Variants in NCKAP5 observed in about 807,000 individuals in gnomAD.
The protein encoded by NCKAP5 is NCK associated protein 5.
In NCKAP5, 92 loss-of-function variants were observed where a neutral mutation model predicts 167.0. That is an observed-to-expected ratio of 0.55 (90% CI 0.47 to 0.66). The LOEUF (loss-of-function observed/expected upper bound fraction) is 0.66, where lower values mean the gene tolerates loss of function less well. Among genes scored for constraint, NCKAP5 ranks in the 30% least tolerant of loss-of-function variants. NCKAP5 has a pLI of 0.00. For missense variants in NCKAP5, 2,378 were observed against 2,315.0 expected (o/e 1.03, Z -0.56); for synonymous variants, 891 against 877.4 (o/e 1.02, Z -0.27).
intron 4 of NCKAP5, among the ~76,000 whole-genome samples, chr2:133,294,333 G>A (rs1312399850): frequency 6.6e-6 from 1 of 152,126 alleles, no homozygotes; most frequent in Admixed American, 6.5e-5. Flanking sequence ...TGAGGATAGA[G>A]GCATGCTAAT....
chr2:132,712,731 A>G (rs1688987720), intron 19 of NCKAP5, among the ~76,000 whole-genome samples: 1 of 152,316 alleles, frequency 6.6e-6, no homozygotes, highest in Middle Eastern at 3.4e-3. Context: ...CCAGCATTTC[A>G]GTAGGGATTC....
chr2:133,596,370 C>G, the NCKAP5 span: 1 of 152,336 alleles, frequency 6.6e-6, no homozygotes, highest in South Asian at 2.1e-4. Context: ...CCTTTGCTTG[C>G]CAGCCTCTGT....
chr2:133,356,078 C>T (rs1488306287), intron 3 of NCKAP5, among the ~76,000 whole-genome samples: 1 of 152,070 alleles, frequency 6.6e-6, no homozygotes, highest in Non-Finnish European at 1.5e-5. Context: ...AGGCATGCAC[C>T]ACCATGCCTG....
intron 16 of NCKAP5, among the ~76,000 whole-genome samples, chr2:132,749,875 A>G (rs1419685048): frequency 2.6e-5 from 4 of 152,208 alleles, no homozygotes; most frequent in African/African-American, 9.6e-5. Context: ...CCTGGAGGCT[A>G]GTATAAAGGA....
At chr2:132,773,065 G>A (rs753947448) in intron 16 of NCKAP5, among the ~76,000 whole-genome samples, 7 of 152,196 alleles carry the variant, frequency 4.6e-5, no homozygotes, top group Non-Finnish European at 8.8e-5. Context: ...ATGCCTCAGT[G>A]TCTTGTGTCG....
At chr2:133,212,971 T>G in intron 5 of NCKAP5, among the ~76,000 whole-genome samples, 1 of 152,322 alleles carries the variant, frequency 6.6e-6, no homozygotes, top group Non-Finnish European at 1.5e-5. Context: ...TATCTAATTC[T>G]TTTACTGAAA....
intron 4 of NCKAP5, among the ~76,000 whole-genome samples, chr2:133,285,059 G>A (rs1045738004): frequency 7.9e-5 from 12 of 152,064 alleles, no homozygotes; most frequent in South Asian, 2.1e-4. Flanking sequence ...TCATATATAC[G>A]TATCTTGTTT....
chr2:132,741,906 T>C (rs996122936), intron 16 of NCKAP5, among the ~76,000 whole-genome samples: 1 of 152,128 alleles, frequency 6.6e-6, no homozygotes, highest in Non-Finnish European at 1.5e-5. Flanking sequence ...TTTAACCCAC[T>C]TCTGGGCTTG....
At chr2:133,271,473 TG>T (rs2089508779) in intron 4 of NCKAP5, among the ~76,000 whole-genome samples, 4 of 152,114 alleles carry the variant, frequency 2.6e-5, no homozygotes, top group African/African-American at 9.7e-5. Flanking sequence ...CAAAAAAACA[TG>T]TTTAATCTGA....
At chr2:133,183,492 TG>T (rs1559236023) in intron 5 of NCKAP5, among the ~76,000 whole-genome samples, 2 of 152,084 alleles carry the variant, frequency 1.3e-5, no homozygotes, top group African/African-American at 4.8e-5. Context: ...TCAATTGATG[TG>T]GGAAAAAGCA....
At chr2:133,587,759 C>T in the NCKAP5 span, among the ~76,000 whole-genome samples, 1 of 152,186 alleles carries the variant, frequency 6.6e-6, no homozygotes, top group African/African-American at 2.4e-5. Flanking sequence ...AGGCAGCATG[C>T]TAGAAAATTA....
At chr2:133,432,665 C>A (rs1043316457) in intron 3 of NCKAP5, among the ~76,000 whole-genome samples, 1 of 152,192 alleles carries the variant, frequency 6.6e-6, no homozygotes, top group Admixed American at 6.5e-5. Flanking sequence ...AATACTCCTG[C>A]AAGACTATGA....
chr2:133,663,011 A>C, the NCKAP5 span, among the ~76,000 whole-genome samples: 2 of 152,118 alleles, frequency 1.3e-5, no homozygotes, highest in Non-Finnish European at 2.9e-5. Context: ...TCACGCCTGT[A>C]ATCCCAGCAC....
chr2:133,379,817 G>A (rs747630907), intron 3 of NCKAP5, among the ~76,000 whole-genome samples: 1 of 152,166 alleles, frequency 6.6e-6, no homozygotes, highest in Non-Finnish European at 1.5e-5. Context: ...ATGTATCAGA[G>A]ACTTTATACC....
intron 3 of NCKAP5, among the ~76,000 whole-genome samples, chr2:133,512,527 T>C (rs1389334929): frequency 6.6e-6 from 1 of 152,210 alleles, no homozygotes; most frequent in East Asian, 1.9e-4. Flanking sequence ...GCTCTCTTCC[T>C]ACAACAAAGG....
At chr2:133,057,444 G>A (rs1159776525) in intron 6 of NCKAP5, among the ~76,000 whole-genome samples, 2 of 152,214 alleles carry the variant, frequency 1.3e-5, no homozygotes, top group Admixed American at 1.3e-4. Flanking sequence ...AAGGAAATTA[G>A]AAGTACTACT....
At chr2:133,357,412 G>C (rs1374828361) in intron 3 of NCKAP5, among the ~76,000 whole-genome samples, 1 of 151,506 alleles carries the variant, frequency 6.6e-6, no homozygotes, top group Admixed American at 6.6e-5. Flanking sequence ...TAATAACTTA[G>C]ATTTTCTGCT....
In NCKAP5 at chr2:133,509,431, C is replaced by T. The variant is rs147803023; in HGVS notation, c.69+8027G>A. 3.5e-3 allele frequency among the ~76,000 whole-genome samples: 529 copies of T among 152,298 alleles called. 3 individuals are homozygous for T. Among genetic ancestry groups the T allele is most frequent in the Admixed American group, 5.8e-3 (88 of 15,300 alleles). ...GCAGCATGCCATTTCCTCTCTCCAA[C>T]CTTCCCAAACAGCACCCTGGGCCTG... On this transcript the variant is annotated intron_variant, in intron 3 of 19. Transcript: ENST00000409261.
chr2:133,453,673 T>C (rs888247250), intron 3 of NCKAP5, among the ~76,000 whole-genome samples: 4 of 152,036 alleles, frequency 2.6e-5, no homozygotes, highest in African/African-American at 4.8e-5. Context: ...GTAGTATTCA[T>C]AAAACAGGAA....
Sources: gnomAD v4.1 joint callset for allele counts (sites outside exome capture counted in the v4.1 genomes callset) on GRCh38, gnomAD v4.1.1 for gene constraint, MANE v1.5 for transcripts, NCBI Gene and HGNC (gene_info 2026-07-23, HGNC 2026-07-21) for gene names.